NRG3: variants seen among roughly 807,000 people sequenced by gnomAD.
NRG3 encodes pro-neuregulin-3, membrane-bound isoform.
NRG3 carries 31 observed loss-of-function variants against 66.9 expected under a neutral mutation model. The ratio of observed to expected loss-of-function variants is 0.46; its 90% CI spans 0.35 to 0.63. NRG3 has a LOEUF of 0.63. Ranked by LOEUF, NRG3 falls within the 20% of genes least tolerant of loss-of-function variation. The pLI is 0.00. For synonymous variants in NRG3, 393 were observed against 359.4 expected, an observed-to-expected ratio of 1.09 and a Z score of -1.06; for missense variants, 910 against 878.9, an observed-to-expected ratio of 1.04 and a Z score of -0.45.
intron 2 of NRG3, among the ~76,000 whole-genome samples, chr10:82,463,933 T>G (rs2091640582): frequency 6.6e-6 from 1 of 152,214 alleles, no homozygotes; most frequent in African/African-American, 2.4e-5. Flanking sequence ...ACAAATTAAC[T>G]TCTTGCCCTG....
intron 1 of NRG3, among the ~76,000 whole-genome samples, chr10:82,289,326 T>G (rs1224506952): frequency 6.6e-6 from 1 of 151,848 alleles, no homozygotes; most frequent in Non-Finnish European, 1.5e-5. Flanking sequence ...ATCCCTTCCC[T>G]CCTTCAGCTG....
chr10:82,813,083 C>G (rs2135517053), intron 3 of NRG3, among the ~76,000 whole-genome samples: 1 of 152,204 alleles, frequency 6.6e-6, no homozygotes, highest in Admixed American at 6.5e-5. Flanking sequence ...AACCTGTGCT[C>G]ATATCACTCA....
chr10:82,532,581 A>G (rs113756998), intron 2 of NRG3, among the ~76,000 whole-genome samples: 1 of 147,978 alleles, frequency 6.8e-6, no homozygotes, highest in African/African-American at 2.5e-5. Flanking sequence ...GTATATATGT[A>G]TATAGTACTA....
chr10:81,876,236 T>TC, intron 1 of NRG3, 73 bp downstream of exon 1: 1 of 1,490,544 alleles, frequency 6.7e-7, no homozygotes. Context: ...TCTTTTTCCC[T>TC]CGCCGCCTGT....
chr10:82,479,590 G>A (rs1488020863), intron 2 of NRG3, among the ~76,000 whole-genome samples: 1 of 150,476 alleles, frequency 6.6e-6, no homozygotes, highest in Non-Finnish European at 1.5e-5. Context: ...CTTGAACCCG[G>A]GAGGCAGAGG....
At chr10:82,050,745 A>T (rs1276393202) in intron 1 of NRG3, among the ~76,000 whole-genome samples, 3 of 143,264 alleles carry the variant, frequency 2.1e-5, no homozygotes, top group Admixed American at 7.0e-5. Flanking sequence ...GACTCTGATA[A>T]TGTCTCGTTT....
intron 1 of NRG3, among the ~76,000 whole-genome samples, chr10:82,306,703 TAAAAAAAAAAAAAAAA>T (rs71009805): frequency 1.1e-4 from 4 of 35,882 alleles, no homozygotes; most frequent in African/African-American, 2.0e-4. Context: ...GACTCCGTCT[TAAAAAAAAAAAAAAAA>T]AAAAAAAAAA....
At chr10:81,918,071 G>A (rs563461466) in intron 1 of NRG3, among the ~76,000 whole-genome samples, 5 of 152,270 alleles carry the variant, frequency 3.3e-5, no homozygotes, top group African/African-American at 7.2e-5. Context: ...TCTGTGTCCC[G>A]AGTGGAACAG....
intron 1 of NRG3, among the ~76,000 whole-genome samples, chr10:82,090,388 G>C (rs1019356673): frequency 2.0e-5 from 3 of 152,126 alleles, no homozygotes; most frequent in African/African-American, 7.2e-5. Context: ...ATCCTACTAT[G>C]TGCTACACTT....
At chr10:82,480,272 G>C (rs1219822681) in intron 2 of NRG3, among the ~76,000 whole-genome samples, 1 of 152,124 alleles carries the variant, frequency 6.6e-6, no homozygotes, top group Non-Finnish European at 1.5e-5. Flanking sequence ...CTTAACATTA[G>C]ATTTGTGGTA....
intron 2 of NRG3, among the ~76,000 whole-genome samples, chr10:82,554,386 A>G (rs1294133237): frequency 6.6e-6 from 1 of 152,184 alleles, no homozygotes; most frequent in Non-Finnish European, 1.5e-5. Context: ...ATCACACTGT[A>G]CCCCGTGAAT....
intron 3 of NRG3, among the ~76,000 whole-genome samples, chr10:82,805,352 T>G (rs1003549069): frequency 4.6e-5 from 7 of 152,178 alleles, no homozygotes; most frequent in Non-Finnish European, 1.0e-4. Flanking sequence ...ATACTTTCAT[T>G]TAAACGTGAA....
intron 3 of NRG3, among the ~76,000 whole-genome samples, chr10:82,832,494 CAAT>C (rs2062575975): frequency 6.6e-6 from 1 of 152,014 alleles, no homozygotes; most frequent in Non-Finnish European, 1.5e-5. Flanking sequence ...CAATACAAAG[CAAT>C]AATAATATAT....
chr10:82,063,198 A>G (rs570531380), intron 1 of NRG3, among the ~76,000 whole-genome samples: 1 of 152,220 alleles, frequency 6.6e-6, no homozygotes, highest in Non-Finnish European at 1.5e-5. Context: ...GAGAGTATTC[A>G]TGGCTGTTTT....
intron 1 of NRG3, among the ~76,000 whole-genome samples, chr10:82,316,627 G>A (rs902574968): frequency 6.6e-6 from 1 of 152,072 alleles, no homozygotes; most frequent in African/African-American, 2.4e-5. Flanking sequence ...CCGCACTTCT[G>A]TCATTTGCTC....
chr10:82,072,045 G>A (rs1313934192), intron 1 of NRG3, among the ~76,000 whole-genome samples: 1 of 152,048 alleles, frequency 6.6e-6, no homozygotes, highest in Non-Finnish European at 1.5e-5. Flanking sequence ...TTCTTTATAT[G>A]TATATGTCTA....
chr10:82,967,749 A>C (rs1851341292), intron 6 of NRG3, among the ~76,000 whole-genome samples: 1 of 152,196 alleles, frequency 6.6e-6, no homozygotes, highest in African/African-American at 2.4e-5. Context: ...TGCATTTCAA[A>C]ATAGTTACTT....
intron 4 of NRG3, among the ~76,000 whole-genome samples, chr10:82,875,153 G>A (rs1841696770): frequency 6.6e-6 from 1 of 152,180 alleles, no homozygotes; most frequent in African/African-American, 2.4e-5. Flanking sequence ...GTTGAATGAA[G>A]TCATTTGGGT....
At chr10:82,287,173 G>A (rs1375282107) in intron 1 of NRG3, among the ~76,000 whole-genome samples, 1 of 152,016 alleles carries the variant, frequency 6.6e-6, no homozygotes, top group Non-Finnish European at 1.5e-5. Context: ...GGTGAGGGGT[G>A]TTTGGGTCAT....
Sources: gnomAD v4.1 joint callset for allele counts (sites outside exome capture counted in the v4.1 genomes callset) on GRCh38, gnomAD v4.1.1 for gene constraint, MANE v1.5 for transcripts, NCBI Gene and HGNC (gene_info 2026-07-23, HGNC 2026-07-21) for gene names.